NUP210L: variants seen among roughly 807,000 people sequenced by gnomAD.
NUP210L encodes the protein nucleoporin 210 like.
A neutral mutation model predicts 208.5 loss-of-function variants in NUP210L; 74 were observed. That is an observed-to-expected ratio of 0.35 (90% CI 0.29 to 0.43). The LOEUF is 0.43. Among genes scored for constraint, NUP210L ranks in the 20% least tolerant of loss-of-function variants. NUP210L has a pLI of 1.00. For missense variants in NUP210L, 1,843 were observed against 2,289.4 expected, an observed-to-expected ratio of 0.81 and a Z score of 3.98; for synonymous variants, 780 against 816.9, an observed-to-expected ratio of 0.95 and a Z score of 0.77.
At chr1:154,118,855 T>C in intron 10 of NUP210L, 47 bp from the exon 11 acceptor site, 8 of 1,209,296 alleles carry the variant, frequency 6.6e-6, no homozygotes, top group Non-Finnish European at 8.2e-6. Flanking sequence ...TAAGGACTAT[T>C]CTTATAATAC....
intron 10 of NUP210L, among the ~76,000 whole-genome samples, 153 bp downstream of exon 10, chr1:154,126,170 T>G (rs1657963869): frequency 6.6e-6 from 1 of 152,146 alleles, no homozygotes; most frequent in African/African-American, 2.4e-5. Context: ...AACAGAAAAT[T>G]TGTAGAGGTA....
intron 12 of NUP210L, among the ~76,000 whole-genome samples, chr1:154,108,282 T>A (rs1656867317): frequency 6.6e-6 from 1 of 152,042 alleles, no homozygotes; most frequent in South Asian, 2.1e-4. Flanking sequence ...CTCAGCCTCA[T>A]GAGTAGCTGG....
intron 38 of NUP210L, among the ~76,000 whole-genome samples, chr1:153,993,901 A>C (rs755012298): frequency 1.3e-5 from 2 of 152,078 alleles, no homozygotes; most frequent in Non-Finnish European, 2.9e-5. Context: ...ATCTCAAAAA[A>C]ATTTTTTTTT....
chr1:154,059,919 T>A (rs1276224591), intron 20 of NUP210L, among the ~76,000 whole-genome samples: 1 of 152,174 alleles, frequency 6.6e-6, no homozygotes, highest in African/African-American at 2.4e-5. Context: ...TGTTTTGAGT[T>A]GTCATGTCCT....
At chr1:154,119,840 G>A (rs977608952) in intron 10 of NUP210L, among the ~76,000 whole-genome samples, 2 of 152,196 alleles carry the variant, frequency 1.3e-5, no homozygotes, top group Non-Finnish European at 2.9e-5. Context: ...TGTGAATAGT[G>A]CTGCAATAAA....
At chr1:154,048,080 C>T (rs1033530672) in intron 25 of NUP210L, among the ~76,000 whole-genome samples, 11 of 152,052 alleles carry the variant, frequency 7.2e-5, no homozygotes, top group African/African-American at 2.2e-4. Context: ...GAAAGTATAT[C>T]GAAATAACAG....
At chr1:154,100,893 C>T (rs1371059347) in intron 13 of NUP210L, among the ~76,000 whole-genome samples, 1 of 151,974 alleles carries the variant, frequency 6.6e-6, no homozygotes, top group Non-Finnish European at 1.5e-5. Flanking sequence ...CCATCTTGGG[C>T]CAGGCACAGT....
At chr1:154,134,977 A>G (rs1036588186) in intron 7 of NUP210L, among the ~76,000 whole-genome samples, 3 of 151,954 alleles carry the variant, frequency 2.0e-5, no homozygotes, top group African/African-American at 7.2e-5. Context: ...ACCTCAGGTG[A>G]TCAGCCGGCC....
rs1657391374 is a variant in NUP210L, at chr1:154,117,575, A to G, written c.1620+150T>C. 8.3e-6 allele frequency: 5 copies of G among 603,836 alleles called. No homozygotes were observed. The East Asian group carries it at 1.6e-4, about 19-fold the overall frequency. The allele number at this position is 603,836 out of a possible 1,614,324, so 37.4% of individuals were successfully genotyped here. On this transcript the variant is annotated intron_variant, in intron 12 of 39. Coordinates refer to ENST00000368559, the Ensembl canonical transcript of NUP210L. ...ACTGCAGCCTGGGAAACAGAGCAACATCTGTCTCCAAAAAAAAAAGTATTT... is the reference window on the plus strand; with the variant it reads ...ACTGCAGCCTGGGAAACAGAGCAACGTCTGTCTCCAAAAAAAAAAGTATTT...
intron 17 of NUP210L, among the ~76,000 whole-genome samples, chr1:154,065,296 T>C (rs1654347983): frequency 6.6e-6 from 1 of 151,682 alleles, no homozygotes; most frequent in African/African-American, 2.4e-5. Flanking sequence ...GGCATGCACC[T>C]ACAGTCCTAG....
intron 13 of NUP210L, among the ~76,000 whole-genome samples, chr1:154,102,120 C>T (rs926626001): frequency 5.9e-5 from 9 of 152,022 alleles, no homozygotes; most frequent in African/African-American, 2.2e-4. Flanking sequence ...CACTGCACTC[C>T]AGCCTGGGTG....
intron 8 of NUP210L, 93 bp from the exon 9 acceptor site, chr1:154,127,510 A>G: frequency 1.9e-6 from 1 of 513,020 alleles, no homozygotes; most frequent in South Asian, 3.4e-5. Context: ...CTGTTCAAAC[A>G]GCAAAATTTA....
At chr1:154,087,501 ATGGTGCAGCCACTT>A (rs890093233) in intron 16 of NUP210L, among the ~76,000 whole-genome samples, 2 of 152,142 alleles carry the variant, frequency 1.3e-5, no homozygotes, top group African/African-American at 4.8e-5. Context: ...GAAATGTAAA[ATGGTGCAGCCACTT>A]TGGAAACAGC....
chr1:154,045,906 G>A (rs934608533), intron 27 of NUP210L, among the ~76,000 whole-genome samples, 163 bp downstream of exon 27: 3 of 152,128 alleles, frequency 2.0e-5, no homozygotes, highest in African/African-American at 7.2e-5. Flanking sequence ...GATCACTTTA[G>A]CCTAGGAGGT....
chr1:154,149,080 A>T (rs1659255547), intron 2 of NUP210L, among the ~76,000 whole-genome samples: 1 of 96,410 alleles, frequency 1.0e-5, no homozygotes. Flanking sequence ...AACAGCAGAA[A>T]ACTTCTCTTT....
intron 37 of NUP210L, among the ~76,000 whole-genome samples, chr1:153,998,047 G>A (rs1649998730): frequency 6.6e-6 from 1 of 151,776 alleles, no homozygotes. Context: ...TTTAAATCTG[G>A]CAGTAGGAAC....
At chr1:154,140,147 T>C (rs1658765684) in intron 4 of NUP210L, among the ~76,000 whole-genome samples, 195 bp from the exon 5 acceptor site, 1 of 151,780 alleles carries the variant, frequency 6.6e-6, no homozygotes, top group Non-Finnish European at 1.5e-5. Flanking sequence ...GGTCAGGAAT[T>C]TGAGACCAGC....
chr1:154,059,226 T>A (rs1654019567), intron 20 of NUP210L, among the ~76,000 whole-genome samples: 1 of 151,972 alleles, frequency 6.6e-6, no homozygotes, highest in Non-Finnish European at 1.5e-5. Context: ...TAGTCCCAGT[T>A]ACTCAGGAGG....
chr1:154,122,871 C>A (rs772012499), intron 10 of NUP210L, among the ~76,000 whole-genome samples: 2 of 151,660 alleles, frequency 1.3e-5, no homozygotes, highest in Non-Finnish European at 2.9e-5. Context: ...CCAGCCAGGG[C>A]AACATGGTGA....
Sources: gnomAD v4.1 joint callset for allele counts (sites outside exome capture counted in the v4.1 genomes callset) on GRCh38, gnomAD v4.1.1 for gene constraint, MANE v1.5 for transcripts, NCBI Gene and HGNC (gene_info 2026-07-23, HGNC 2026-07-21) for gene names.